The following IPCEF1 variants were observed in gnomAD, a reference collection of about 807,000 sequenced individuals.
IPCEF1 encodes the protein interactor protein for cytohesin exchange factors 1.
Under a neutral mutation model 50.9 loss-of-function variants are expected in IPCEF1, and 31 were observed. The ratio of observed to expected loss-of-function variants is 0.61; its 90% CI spans 0.46 to 0.82. The LOEUF (loss-of-function observed/expected upper bound fraction) is 0.82, where lower values mean the gene tolerates loss of function less well. IPCEF1 is among the 40% of genes least tolerant of loss of function. The pLI is 0.00. For synonymous variants in IPCEF1, 181 were observed against 192.0 expected (o/e 0.94, Z 0.47); for missense variants, 458 against 514.0 (o/e 0.89, Z 1.05).
chr6:154,257,196 CA>C (rs1781482421), intron 3 of IPCEF1, among the ~76,000 whole-genome samples: 1 of 152,154 alleles, frequency 6.6e-6, no homozygotes. Context: ...CCACAACTAG[CA>C]AAATGTGTCA....
intron 10 of IPCEF1, among the ~76,000 whole-genome samples, chr6:154,196,530 A>G (rs1262269867): frequency 1.3e-5 from 2 of 152,300 alleles, no homozygotes; most frequent in East Asian, 3.9e-4. Flanking sequence ...GCTGACATGC[A>G]GCTTTTCAGC....
intron 1 of IPCEF1, among the ~76,000 whole-genome samples, chr6:154,334,254 A>G (rs1783741802): frequency 6.9e-6 from 1 of 145,886 alleles, no homozygotes; most frequent in Non-Finnish European, 1.6e-5. Context: ...TAACCCAGAT[A>G]TAACAGCATA....
intron 1 of IPCEF1, among the ~76,000 whole-genome samples, chr6:154,340,404 C>T (rs1783885236): frequency 6.6e-6 from 1 of 151,890 alleles, no homozygotes; most frequent in Non-Finnish European, 1.5e-5. Context: ...GCGTGCACCA[C>T]CAATGCCCAG....
chr6:154,289,520 A>T (rs1265942005), intron 2 of IPCEF1, among the ~76,000 whole-genome samples, 193 bp downstream of exon 2: 1 of 151,976 alleles, frequency 6.6e-6, no homozygotes, highest in African/African-American at 2.4e-5. Context: ...CTGAAAAATA[A>T]TCTTCGGAGG....
intron 1 of IPCEF1, among the ~76,000 whole-genome samples, chr6:154,298,801 T>C (rs1782725297): frequency 6.6e-6 from 1 of 151,982 alleles, no homozygotes. Context: ...CCGTCTCTAC[T>C]AAAATACAAA....
intron 3 of IPCEF1, among the ~76,000 whole-genome samples, chr6:154,253,235 G>A (rs991110255): frequency 5.3e-5 from 8 of 151,682 alleles, no homozygotes; most frequent in Admixed American, 3.3e-4. Flanking sequence ...ACAGGGTCTC[G>A]CTCTGTTTCC....
At chr6:154,217,655 A>T (rs1778522081) in intron 7 of IPCEF1, among the ~76,000 whole-genome samples, 1 of 152,198 alleles carries the variant, frequency 6.6e-6, no homozygotes, top group South Asian at 2.1e-4. Flanking sequence ...TAAAATAAGC[A>T]TTTAAAAGTT....
rs1324849700 is a variant in IPCEF1, at chr6:154,246,571, G to A, written c.246+20C>T. The A allele has an allele frequency of 6.3e-7, 1 of 1,598,306 alleles. No homozygotes were observed. Among genetic ancestry groups the A allele is most frequent in the Non-Finnish European group, 8.5e-7 (1 of 1,170,312 alleles). ...CCCTCATTAAAACGGCTGGGAATAGGAGGAAGAAAGCAGACTCACCATTTG... is the reference window on the plus strand; with the variant it reads ...CCCTCATTAAAACGGCTGGGAATAGAAGGAAGAAAGCAGACTCACCATTTG... On this transcript the variant is annotated intron_variant, in intron 5 of 11. Coordinates refer to ENST00000367220, the MANE Select transcript of IPCEF1 (RefSeq NM_001130700.2).
chr6:154,299,434 G>A lies in IPCEF1; in HGVS notation c.-61-9678C>T, dbSNP rs368511482. On this transcript the variant is annotated intron_variant, in intron 1 of 11. Transcript: ENST00000367220. The stretch of plus-strand genomic sequence containing the variant: ...GCACATATATATCATGGAATACTAC[G>A]CAGTCATAAAAAGGAATGAGATCAT... 9.9e-5 allele frequency among the ~76,000 whole-genome samples: 14 copies of A among 141,620 alleles called. 3 individuals carry two copies. Among genetic ancestry groups the A allele is most frequent in the Non-Finnish European group, 1.7e-4 (11 of 63,056 alleles). The allele number at this position is 141,620 out of a possible 152,430, so 92.9% of individuals were successfully genotyped here. A position where few individuals can be genotyped will look rare whatever the true frequency, so the allele number is the denominator to read the frequency against.
Position 154,212,862 on chromosome 6 carries a change from C to CA in IPCEF1, c.452-8dup. On this transcript the variant is annotated splice_region_variant and splice_polypyrimidine_tract_variant and intron_variant, in intron 8 of 11. Coordinates refer to ENST00000367220, the MANE Select transcript of IPCEF1 (RefSeq NM_001130700.2). ...TCACTTTCACTGTAACATTCTATAA[C>CA]AAAAATGAAAATGCTTAATGTTTTA... The CA allele has an allele frequency of 6.3e-7, 1 of 1,597,316 alleles. No homozygotes were observed. The highest frequency in any genetic ancestry group is 8.6e-7 in the Non-Finnish European group (1 of 1,164,852).
At chr6:154,175,077 G>A (rs1415860804) in intron 10 of IPCEF1, among the ~76,000 whole-genome samples, 1 of 152,132 alleles carries the variant, frequency 6.6e-6, no homozygotes, top group Non-Finnish European at 1.5e-5. Context: ...TGACTACTGG[G>A]TAAATAACAA....
At chr6:154,224,078 A>C (rs1203344800) in intron 5 of IPCEF1, among the ~76,000 whole-genome samples, 1 of 152,138 alleles carries the variant, frequency 6.6e-6, no homozygotes, top group Non-Finnish European at 1.5e-5. Context: ...ATAGAACTCA[A>C]ATCTTCTTTC....
At chr6:154,240,259 C>A (rs1266291874) in intron 5 of IPCEF1, among the ~76,000 whole-genome samples, 1 of 152,162 alleles carries the variant, frequency 6.6e-6, no homozygotes, top group Non-Finnish European at 1.5e-5. Context: ...TACCTGCCAA[C>A]TTCTAGGATA....
At chr6:154,291,138 C>T (rs528024973) in intron 1 of IPCEF1, among the ~76,000 whole-genome samples, 3 of 152,196 alleles carry the variant, frequency 2.0e-5, no homozygotes, top group South Asian at 4.1e-4. Context: ...GTGATCCACC[C>T]GTCTCGGCCT....
chr6:154,265,919 C>T lies in IPCEF1; in HGVS notation c.29G>A (p.Ser10Asn), dbSNP rs139019503. The T allele has an allele frequency of 4.4e-6, 7 of 1,600,600 alleles. No individual in the cohort carries two copies. The highest frequency in any genetic ancestry group is 6.0e-6 in the Non-Finnish European group (7 of 1,172,630). Residue 10 changes from serine to asparagine, a missense_variant, in exon 3 of 12, where the codon AGT becomes AAT. Coordinates refer to ENST00000367220, the MANE Select transcript of IPCEF1 (RefSeq NM_001130700.2). ...ATTCCAAAGGATACTTACAAGAGCA[C>T]TGCCATCAATAGCCATGTATGATGT... The part of the protein sequence containing the change: MTSYMAIDG[S>N]ALQVPLRQKP...
intron 3 of IPCEF1, among the ~76,000 whole-genome samples, chr6:154,259,843 T>G (rs1027808300): frequency 6.6e-6 from 1 of 151,984 alleles, no homozygotes; most frequent in Non-Finnish European, 1.5e-5. Context: ...TGTTCAAGTC[T>G]CCTGTTTTTG....
chr6:154,327,265 A>G (rs578259663), intron 1 of IPCEF1, among the ~76,000 whole-genome samples: 34 of 152,342 alleles, frequency 2.2e-4, no homozygotes, highest in African/African-American at 5.8e-4. Context: ...AACTATCATC[A>G]GAGTGAATAG....
At chr6:154,281,689 G>A (rs539739955) in intron 2 of IPCEF1, among the ~76,000 whole-genome samples, 20 of 151,998 alleles carry the variant, frequency 1.3e-4, no homozygotes, top group African/African-American at 3.9e-4. Flanking sequence ...GTGAAACCCC[G>A]TCTCTACTGA....
chr6:154,169,726 C>T (rs1411990680), intron 10 of IPCEF1, among the ~76,000 whole-genome samples: 2 of 152,184 alleles, frequency 1.3e-5, no homozygotes, highest in Non-Finnish European at 2.9e-5. Flanking sequence ...AGCCACTCCA[C>T]CACAGGATCT....
Sources: allele counts gnomAD v4.1 joint callset (sites outside exome capture counted in the v4.1 genomes callset), GRCh38; gene constraint gnomAD v4.1.1; transcripts MANE v1.5; gene names NCBI Gene and HGNC (gene_info 2026-07-23, HGNC 2026-07-21).